Variants in NOL4 observed in about 807,000 individuals in gnomAD.
NOL4 encodes the protein cancer/testis antigen 125.
In NOL4, 17 loss-of-function variants were observed where a neutral mutation model predicts 75.9. The observed-to-expected ratio is 0.22, with a 90% CI of 0.15 to 0.34. The LOEUF (loss-of-function observed/expected upper bound fraction) is 0.34, where lower values mean the gene tolerates loss of function less well. Among genes scored for constraint, NOL4 ranks in the 10% least tolerant of loss-of-function variants. NOL4 has a pLI of 1.00. For synonymous variants in NOL4, 292 were observed against 289.9 expected (o/e 1.01, Z -0.07); for missense variants, 614 against 793.5 (o/e 0.77, Z 2.72).
At chr18:33,983,493 C>T (rs1055900375) in intron 6 of NOL4, among the ~76,000 whole-genome samples, 21 of 151,758 alleles carry the variant, frequency 1.4e-4, no homozygotes, top group African/African-American at 4.9e-4. Flanking sequence ...CACATGCACA[C>T]ACACAGATAC....
Position 33,881,918 on chromosome 18 carries a change from G to T in NOL4, c.1723+1326C>A, listed in dbSNP as rs1458207977. On this transcript the variant is annotated intron_variant, in intron 10 of 10. Coordinates refer to ENST00000261592, the MANE Select transcript of NOL4 (RefSeq NM_003787.5). The stretch of plus-strand genomic sequence containing the variant: ...TAAAGCCGCATATCTACAACTATCT[G>T]ATCTTTGACAAACCTGAGAAAAACA... Among the ~76,000 whole-genome samples the T allele has an allele frequency of 3.9e-5, 6 of 152,048 alleles. No homozygotes were observed. The East Asian group carries it at 1.2e-3, about 29-fold the overall frequency.
intron 10 of NOL4, among the ~76,000 whole-genome samples, chr18:33,882,339 G>A (rs2064339865): frequency 6.6e-6 from 1 of 151,892 alleles, no homozygotes; most frequent in African/African-American, 2.4e-5. Flanking sequence ...AATCTACAAT[G>A]AACTCAAACA....
At chr18:33,877,389 A>T (rs2063990590) in intron 10 of NOL4, among the ~76,000 whole-genome samples, 1 of 150,302 alleles carries the variant, frequency 6.7e-6, no homozygotes, top group African/African-American at 2.4e-5. Context: ...CTGAGGTGGA[A>T]GCATTGCAGT....
chr18:34,195,840 A>C (rs927307163), intron 1 of NOL4, among the ~76,000 whole-genome samples: 5 of 152,172 alleles, frequency 3.3e-5, no homozygotes, highest in Non-Finnish European at 5.9e-5. Context: ...GTAAGTTAAA[A>C]TATCATGACA....
chr18:34,009,076 T>C (rs72957352), intron 6 of NOL4, among the ~76,000 whole-genome samples: 20,692 of 151,812 alleles, frequency 0.14, 1,505 homozygotes, highest in Middle Eastern at 0.23. Flanking sequence ...TTTTTTTTTT[T>C]TCTAGCTGAG....
At chr18:34,106,238 T>G (rs2079271912) in intron 2 of NOL4, among the ~76,000 whole-genome samples, 1 of 152,214 alleles carries the variant, frequency 6.6e-6, no homozygotes, top group Non-Finnish European at 1.5e-5. Flanking sequence ...TGGGTGCTAG[T>G]TCTCTTAGTG....
intron 1 of NOL4, among the ~76,000 whole-genome samples, chr18:34,187,478 G>A (rs952561031): frequency 2.1e-5 from 3 of 143,822 alleles, no homozygotes; most frequent in Admixed American, 7.3e-5. Context: ...CCGGGTTTAC[G>A]CCATTCTCCT....
chr18:33,882,031 T>C (rs2064315815), intron 10 of NOL4, among the ~76,000 whole-genome samples: 1 of 152,184 alleles, frequency 6.6e-6, no homozygotes, highest in Non-Finnish European at 1.5e-5. Context: ...GATCTCTTCC[T>C]TACACCTTAC....
intron 9 of NOL4, among the ~76,000 whole-genome samples, chr18:33,884,883 A>G (rs534776061): frequency 6.6e-6 from 1 of 152,264 alleles, no homozygotes; most frequent in Non-Finnish European, 1.5e-5. Context: ...TGCCGTGACT[A>G]TCAGCATAAC....
chr18:33,854,361 A>G (rs2062747729), intron 10 of NOL4, among the ~76,000 whole-genome samples: 1 of 152,104 alleles, frequency 6.6e-6, no homozygotes, highest in Admixed American at 6.6e-5. Context: ...GACATCTGAG[A>G]GAAATGTATT....
At chr18:34,106,523 T>G (rs2079286664) in intron 2 of NOL4, among the ~76,000 whole-genome samples, 1 of 151,984 alleles carries the variant, frequency 6.6e-6, no homozygotes, top group African/African-American at 2.4e-5. Context: ...GAACTCTTAT[T>G]TTTAAATATT....
chr18:34,170,488 G>A (rs534616985), intron 1 of NOL4, among the ~76,000 whole-genome samples: 38 of 152,072 alleles, frequency 2.5e-4, no homozygotes, highest in Non-Finnish European at 4.4e-4. Context: ...CACCACGCCC[G>A]GATGATAATT....
rs1019097478 is a variant in NOL4, at chr18:33,882,532, C to T, written c.1723+712G>A. Among the ~76,000 whole-genome samples, 5 of 151,482 alleles carry T rather than the reference C, an allele frequency of 3.3e-5. No homozygotes were observed. The East Asian group carries it at 5.8e-4, about 18-fold the overall frequency. Reference sequence around the variant, plus strand: ...TACCATCTCACACCAGTTAGAATGGCAATCATTAAAAAGTCAGGAAACAAC... The same window carrying T: ...TACCATCTCACACCAGTTAGAATGGTAATCATTAAAAAGTCAGGAAACAAC... On this transcript the variant is annotated intron_variant, in intron 10 of 10. Transcript: ENST00000261592.
At chr18:34,172,571 G>C (rs1257361348) in intron 1 of NOL4, among the ~76,000 whole-genome samples, 3 of 152,068 alleles carry the variant, frequency 2.0e-5, no homozygotes, top group African/African-American at 7.2e-5. Flanking sequence ...CTATATGGTA[G>C]TTCTGTTTTT....
At chr18:33,872,287 C>T (rs2063734447) in intron 10 of NOL4, among the ~76,000 whole-genome samples, 1 of 151,900 alleles carries the variant, frequency 6.6e-6, no homozygotes, top group African/African-American at 2.4e-5. Flanking sequence ...TTTAAGTAAT[C>T]CTAGCCTATG....
intron 10 of NOL4, among the ~76,000 whole-genome samples, chr18:33,879,441 G>T (rs773939228): frequency 1.3e-5 from 2 of 152,014 alleles, no homozygotes; most frequent in Non-Finnish European, 2.9e-5. Flanking sequence ...GGAGACGAAG[G>T]TGGGCACATC....
At chr18:33,930,529 C>T (rs149324139) in intron 9 of NOL4, among the ~76,000 whole-genome samples, 1 of 152,270 alleles carries the variant, frequency 6.6e-6, no homozygotes, top group Non-Finnish European at 1.5e-5. Context: ...CCTTACTACA[C>T]AGTACCAGGA....
intron 1 of NOL4, among the ~76,000 whole-genome samples, chr18:34,219,427 T>C (rs1280415485): frequency 1.3e-5 from 2 of 152,224 alleles, no homozygotes; most frequent in Non-Finnish European, 2.9e-5. Flanking sequence ...TTTTCTCCTT[T>C]TCTAAGTTTA....
At position 33,934,581 on chromosome 18, in the gene NOL4, C is replaced by A. The variant is rs951682711; in HGVS notation, c.1542+8484G>T. Among the ~76,000 whole-genome samples, 3 of 152,294 alleles carry A rather than the reference C, an allele frequency of 2.0e-5. No individual in the cohort carries two copies. The South Asian group carries it at 6.2e-4, about 32-fold the overall frequency. On this transcript the variant is annotated intron_variant, in intron 9 of 10. Transcript: ENST00000261592. Reference sequence around the variant, plus strand: ...ACTTGCTGCATTTTCTACCTCAGCACTTGCTGCCTCCCTTTCCATGTTTAT... The same window carrying A: ...ACTTGCTGCATTTTCTACCTCAGCAATTGCTGCCTCCCTTTCCATGTTTAT...
Sources: gnomAD v4.1 joint callset for allele counts (sites outside exome capture counted in the v4.1 genomes callset) on GRCh38, gnomAD v4.1.1 for gene constraint, MANE v1.5 for transcripts, NCBI Gene and HGNC (gene_info 2026-07-23, HGNC 2026-07-21) for gene names.